The following KCTD3 variants were observed in gnomAD, a reference collection of about 807,000 sequenced individuals.
KCTD3 encodes the protein BTB/POZ domain-containing protein KCTD3.
Under a neutral mutation model 85.8 loss-of-function variants are expected in KCTD3, and 41 were observed. The ratio of observed to expected loss-of-function variants is 0.48; its 90% CI spans 0.37 to 0.62. KCTD3 has a LOEUF of 0.62. KCTD3 is among the 20% of genes least tolerant of loss of function. The probability of loss-of-function intolerance (pLI) is 0.00; values close to 1 mark genes in which losing one functional copy is unlikely to be tolerated. For synonymous variants in KCTD3, 338 were observed against 345.4 expected, an observed-to-expected ratio of 0.98 and a Z score of 0.24; for missense variants, 724 against 989.9, an observed-to-expected ratio of 0.73 and a Z score of 3.60.
intron 12 of KCTD3, among the ~76,000 whole-genome samples, chr1:215,603,438 T>C (rs1654906683): frequency 6.6e-6 from 1 of 151,942 alleles, no homozygotes; most frequent in Admixed American, 6.6e-5. Flanking sequence ...TGCAATGGGG[T>C]CTGGGCACTT....
intron 8 of KCTD3, among the ~76,000 whole-genome samples, chr1:215,582,229 G>C (rs965961949): frequency 1.3e-5 from 2 of 152,180 alleles, no homozygotes; most frequent in African/African-American, 4.8e-5. Context: ...CAGTGAATCT[G>C]ATAGCCCATT....
chr1:215,578,782 C>T (rs1457570680), intron 6 of KCTD3, among the ~76,000 whole-genome samples: 1 of 151,958 alleles, frequency 6.6e-6, no homozygotes, highest in Non-Finnish European at 1.5e-5. Context: ...TATGACAATA[C>T]CAGAAATCTG....
At chr1:215,580,920 G>A in intron 8 of KCTD3, 1 of 461,422 alleles carries the variant, frequency 2.2e-6, no homozygotes, top group Non-Finnish European at 4.5e-6. Context: ...AGTAATCTCA[G>A]GTTTATATTT....
chr1:215,567,996 A>C (rs1659207974), intron 1 of KCTD3, among the ~76,000 whole-genome samples: 1 of 152,212 alleles, frequency 6.6e-6, no homozygotes, highest in Admixed American at 6.5e-5. Context: ...ACCGAGGACC[A>C]GGCCCATGTG....
intron 14 of KCTD3, among the ~76,000 whole-genome samples, chr1:215,611,234 G>C (rs191150071): frequency 6.0e-4 from 91 of 151,986 alleles, no homozygotes; most frequent in African/African-American, 2.1e-3. Context: ...CAACTCAGTA[G>C]TACATTTTAT....
At chr1:215,590,476 T>C (rs1424176199) in intron 9 of KCTD3, among the ~76,000 whole-genome samples, 1 of 152,174 alleles carries the variant, frequency 6.6e-6, no homozygotes, top group Admixed American at 6.5e-5. Flanking sequence ...TCTTCCTCCT[T>C]TTGAGCTTTC....
intron 15 of KCTD3, among the ~76,000 whole-genome samples, chr1:215,617,536 A>T (rs1460614661): frequency 4.6e-5 from 7 of 151,918 alleles, no homozygotes; most frequent in Admixed American, 4.6e-4. Flanking sequence ...TTTGCCAAGG[A>T]GTGAAGGACA....
chr1:215,607,903 A>C (rs1655094549), intron 13 of KCTD3, 114 bp from the exon 14 acceptor site: 2 of 682,046 alleles, frequency 2.9e-6, no homozygotes, highest in East Asian at 6.3e-5. Flanking sequence ...TTTAAGATAA[A>C]TATGTCATTT....
chr1:215,591,576 C>T (rs1451142268), intron 9 of KCTD3, among the ~76,000 whole-genome samples: 3 of 152,100 alleles, frequency 2.0e-5, no homozygotes, highest in Admixed American at 6.5e-5. Context: ...AAGATAGTCT[C>T]GATCTCTTGA....
At chr1:215,585,149 G>A (rs780652200) in intron 8 of KCTD3, among the ~76,000 whole-genome samples, 62 of 152,286 alleles carry the variant, frequency 4.1e-4, no homozygotes, top group African/African-American at 1.4e-3. Flanking sequence ...TTAGAGTAAA[G>A]TGAAAGCAAG....
intron 12 of KCTD3, 74 bp from the exon 13 acceptor site, chr1:215,604,058 G>T: frequency 8.7e-7 from 1 of 1,153,880 alleles, no homozygotes; most frequent in South Asian, 1.7e-5. Flanking sequence ...TTTTATCATA[G>T]GGAAGCTTTG....
intron 3 of KCTD3, among the ~76,000 whole-genome samples, chr1:215,574,711 C>T (rs1659505468): frequency 6.6e-6 from 1 of 152,148 alleles, no homozygotes; most frequent in South Asian, 2.1e-4. Flanking sequence ...ATAATAAGAT[C>T]TCCACAAATC....
chr1:215,611,784 AATTTT>A, intron 14 of KCTD3, 36 bp from the exon 15 acceptor site: 1 of 1,299,848 alleles, frequency 7.7e-7, no homozygotes, highest in African/African-American at 1.5e-5. Context: ...GAAAAAATAA[AATTTT>A]AATTAATTTT....
At chr1:215,595,642 A>G (rs759659958) in intron 10 of KCTD3, among the ~76,000 whole-genome samples, 171 bp downstream of exon 10, 3 of 152,110 alleles carry the variant, frequency 2.0e-5, no homozygotes, top group Non-Finnish European at 4.4e-5. Flanking sequence ...TATTTTCAAG[A>G]GTTTAAGTTA....
At chr1:215,593,315 A>G (rs1001602117) in intron 9 of KCTD3, among the ~76,000 whole-genome samples, 2 of 152,230 alleles carry the variant, frequency 1.3e-5, no homozygotes, top group African/African-American at 4.8e-5. Context: ...ACATGCTTGT[A>G]TAAATATGGA....
At chr1:215,570,109 G>T (rs534585490) in intron 1 of KCTD3, among the ~76,000 whole-genome samples, 7 of 152,246 alleles carry the variant, frequency 4.6e-5, no homozygotes, top group African/African-American at 1.7e-4. Flanking sequence ...GAAAAATCCT[G>T]ATATGATTGC....
At chr1:215,576,950 A>G (rs1051582832) in intron 4 of KCTD3, among the ~76,000 whole-genome samples, 17 of 152,212 alleles carry the variant, frequency 1.1e-4, no homozygotes, top group African/African-American at 3.9e-4. Flanking sequence ...AATTGTATAT[A>G]TTTATCAAGG....
At chr1:215,567,854 C>G in intron 1 of KCTD3, 86 bp downstream of exon 1, 1 of 941,226 alleles carries the variant, frequency 1.1e-6, no homozygotes, top group Non-Finnish European at 1.4e-6. Flanking sequence ...GTCGCAGGAA[C>G]GAGGGCGAGC....
chr1:215,605,746 C>G (rs1309116403), intron 13 of KCTD3, among the ~76,000 whole-genome samples: 5 of 152,088 alleles, frequency 3.3e-5, no homozygotes, highest in Non-Finnish European at 5.9e-5. Flanking sequence ...AGGAATCACC[C>G]TTGATTTCTC....
Sources: gnomAD v4.1 joint callset for allele counts (sites outside exome capture counted in the v4.1 genomes callset) on GRCh38, gnomAD v4.1.1 for gene constraint, MANE v1.5 for transcripts, NCBI Gene and HGNC (gene_info 2026-07-23, HGNC 2026-07-21) for gene names.